Variants in PDE2A observed in about 807,000 individuals in gnomAD.
PDE2A encodes phosphodiesterase 2A, also known as cGMP-dependent 3',5'-cyclic phosphodiesterase.
Under a neutral mutation model 133.6 loss-of-function variants are expected in PDE2A, and 53 were observed. That is an observed-to-expected ratio of 0.40 (90% CI 0.32 to 0.50). The LOEUF (loss-of-function observed/expected upper bound fraction) is 0.50. Ranked by LOEUF, PDE2A falls within the 20% of genes least tolerant of loss-of-function variation. PDE2A has a pLI of 0.73. For synonymous variants in PDE2A, 491 were observed against 490.2 expected (o/e 1.00, Z -0.02); for missense variants, 796 against 1,232.4 (o/e 0.65, Z 5.30).
At chr11:72,584,973 G>A (rs1429265646) in intron 16 of PDE2A, 29 bp from the exon 17 acceptor site, 2 of 1,608,952 alleles carry the variant, frequency 1.2e-6, no homozygotes, top group Non-Finnish European at 1.7e-6. Flanking sequence ...GGTCCTCTGG[G>A]GCCTGACAAC....
At chr11:72,588,054 C>T (rs576598254) in intron 13 of PDE2A, 1 of 152,424 alleles carries the variant, frequency 6.6e-6, no homozygotes, top group Admixed American at 6.5e-5. Flanking sequence ...TCTACTTCTC[C>T]CCACCTATGT....
At position 72,589,047 on chromosome 11, in the gene PDE2A, G is replaced by A. The variant is rs1021956950; in HGVS notation, c.939+128C>T. The A allele has an allele frequency of 1.2e-5, 15 of 1,231,692 alleles. No individual in the cohort carries two copies. In the African/African-American group the frequency reaches 2.1e-4, roughly 17 times the overall value. The allele number at this position is 1,231,692 out of a possible 1,614,324, so 76.3% of individuals were successfully genotyped here. A position where few individuals can be genotyped will look rare whatever the true frequency, so the allele number is the denominator to read the frequency against. ...GCTGGAAGCTCTGTGTCATGGAGAT[G>A]GGACAGTAGAAAGTCCCCAGGTCTT... On this transcript the variant is annotated intron_variant, in intron 12 of 30. Transcript: ENST00000334456.
In PDE2A at chr11:72,581,924, G is replaced by A; in HGVS notation, c.1875C>T (p.Asp625=). 1 of 1,614,108 alleles carries A rather than the reference G, an allele frequency of 6.2e-7. No homozygotes were observed. The part of the protein sequence containing the change: ...TSMAILSMLQ[D]MNFINNYKID... ...TTTTGTAGTTGTTGATGAAATTCAT[G>A]TCCTGCAGCATGCTCAGGATGGCCT... The change falls in exon 22 of 31, where the codon GAC becomes GAT. Residue 625 remains aspartate (D), a synonymous_variant. Transcript: ENST00000334456.
At chr11:72,630,636 G>A (rs2135415577) in intron 2 of PDE2A, among the ~76,000 whole-genome samples, 1 of 152,098 alleles carries the variant, frequency 6.6e-6, no homozygotes, top group African/African-American at 2.4e-5. Flanking sequence ...TCAGGTCTGT[G>A]CATTAGAAAG....
intron 1 of PDE2A, among the ~76,000 whole-genome samples, chr11:72,663,684 G>A (rs934870951): frequency 6.9e-6 from 1 of 145,914 alleles, no homozygotes; most frequent in Non-Finnish European, 1.5e-5. Context: ...AGACAAGATC[G>A]CACCACTGCA....
chr11:72,640,089 G>A (rs935408187), intron 2 of PDE2A, among the ~76,000 whole-genome samples: 10 of 151,468 alleles, frequency 6.6e-5, no homozygotes, highest in Admixed American at 2.0e-4. Context: ...ACAGCTCATG[G>A]GGAGAAAAGA....
chr11:72,673,838 T>C lies in PDE2A; in HGVS notation c.71+299A>G, dbSNP rs1265487913. ...CCCTCCCCACATACACCCTCAGCCCTTGAAGAACCGGTTCAGGTTCATTAT... is the reference window on the plus strand; with the variant it reads ...CCCTCCCCACATACACCCTCAGCCCCTGAAGAACCGGTTCAGGTTCATTAT... On this transcript the variant is annotated intron_variant, in intron 1 of 30. Coordinates refer to ENST00000334456, the MANE Select transcript of PDE2A (RefSeq NM_002599.5). Among the ~76,000 whole-genome samples, 5 of 151,916 alleles carry C rather than the reference T, an allele frequency of 3.3e-5. No individual in the cohort carries two copies. The East Asian group carries it at 9.7e-4, about 29-fold the overall frequency.
chr11:72,603,827 G>A (rs1353086838), intron 4 of PDE2A, among the ~76,000 whole-genome samples: 1 of 152,220 alleles, frequency 6.6e-6, no homozygotes, highest in African/African-American at 2.4e-5. Flanking sequence ...TAGGAAATGG[G>A]AAGGTGGCTA....
intron 1 of PDE2A, among the ~76,000 whole-genome samples, chr11:72,663,719 A>C (rs1301307567): frequency 7.5e-6 from 1 of 133,392 alleles, no homozygotes; most frequent in African/African-American, 3.0e-5. Context: ...ACAGAGCAAG[A>C]CTGTCTCAAA....
chr11:72,612,273 AT>A (rs1486453306), intron 2 of PDE2A, among the ~76,000 whole-genome samples: 7 of 99,126 alleles, frequency 7.1e-5, no homozygotes, highest in African/African-American at 2.4e-4. Flanking sequence ...TGCACATCAC[AT>A]CCACACACAC....
At chr11:72,635,925 G>A (rs557718520) in intron 2 of PDE2A, 30 of 1,111,396 alleles carry the variant, frequency 2.7e-5, no homozygotes, top group African/African-American at 2.2e-4. Context: ...CCATTCTTTC[G>A]GCCACCCGAC....
At chr11:72,610,517 T>C (rs559122576) in intron 2 of PDE2A, among the ~76,000 whole-genome samples, 8 of 152,224 alleles carry the variant, frequency 5.3e-5, no homozygotes, top group African/African-American at 1.7e-4. Context: ...CCCAATCCAG[T>C]GTTCCCAGGA....
intron 1 of PDE2A, among the ~76,000 whole-genome samples, chr11:72,666,917 C>G (rs1017169820): frequency 6.6e-6 from 1 of 152,084 alleles, no homozygotes; most frequent in African/African-American, 2.4e-5. Flanking sequence ...ACCAGCCTGG[C>G]CAACATGGTG....
intron 1 of PDE2A, among the ~76,000 whole-genome samples, chr11:72,656,366 T>C (rs1854901940): frequency 6.6e-6 from 1 of 152,104 alleles, no homozygotes; most frequent in African/African-American, 2.4e-5. Context: ...CTGAGGAGAA[T>C]GTGAGGGGCT....
At chr11:72,636,250 G>T in intron 2 of PDE2A, 1 of 437,670 alleles carries the variant, frequency 2.3e-6, no homozygotes, top group Non-Finnish European at 3.1e-6. Context: ...CAGATCCAAA[G>T]TTCTGGGAAG....
rs1383733245 is a variant in PDE2A, at chr11:72,584,738, C to T, written c.1360-10G>A. 3.7e-6 allele frequency: 6 copies of T among 1,612,862 alleles called. No homozygotes were observed. In the South Asian group the frequency reaches 6.6e-5, roughly 18 times the overall value. On this transcript the variant is annotated splice_polypyrimidine_tract_variant and intron_variant, in intron 17 of 30. Coordinates refer to ENST00000334456, the MANE Select transcript of PDE2A (RefSeq NM_002599.5). Reference sequence around the variant, plus strand: ...TGCGGATCTCATAGCTCTGCCGGAGCAGAGATGGAGTCGAGAGGAAGAAGT... The same window carrying T: ...TGCGGATCTCATAGCTCTGCCGGAGTAGAGATGGAGTCGAGAGGAAGAAGT...
intron 25 of PDE2A, among the ~76,000 whole-genome samples, chr11:72,580,302 G>A (rs1394658242): frequency 6.6e-6 from 1 of 152,220 alleles, no homozygotes; most frequent in African/African-American, 2.4e-5. Flanking sequence ...AGTGATGGGA[G>A]TGGAGCCCAT....
At chr11:72,653,484 G>C (rs1854803923) in intron 1 of PDE2A, among the ~76,000 whole-genome samples, 2 of 152,190 alleles carry the variant, frequency 1.3e-5, no homozygotes. Context: ...CCGACTCCCA[G>C]GGAGGGAGAG....
At position 72,626,334 on chromosome 11, in the gene PDE2A, G is replaced by C. The variant is rs571576140; in HGVS notation, c.144+15920C>G. On this transcript the variant is annotated intron_variant, in intron 2 of 30. Coordinates refer to ENST00000334456, the MANE Select transcript of PDE2A (RefSeq NM_002599.5). ...CTGGTCCCAGGTCCCTGCACGCCCC[G>C]GGCCTGTGCAGCCCAACAGGGGCAC... Among the ~76,000 whole-genome samples, 5 of 152,326 alleles carry C rather than the reference G, an allele frequency of 3.3e-5. No individual in the cohort carries two copies. The South Asian group carries it at 1.0e-3, about 32-fold the overall frequency.
Sources: allele counts gnomAD v4.1 joint callset (sites outside exome capture counted in the v4.1 genomes callset), GRCh38; gene constraint gnomAD v4.1.1; transcripts MANE v1.5; gene names NCBI Gene and HGNC (gene_info 2026-07-23, HGNC 2026-07-21).